The following BCAS3 variants were observed in gnomAD, a reference collection of about 807,000 sequenced individuals.
The protein encoded by BCAS3 is BCAS4/BCAS3 fusion.
In BCAS3, 53 loss-of-function variants were observed where a neutral mutation model predicts 116.1. The observed-to-expected ratio is 0.46, with a 90% CI of 0.37 to 0.57. BCAS3 has a LOEUF of 0.57. Ranked by LOEUF, BCAS3 falls within the 20% of genes least tolerant of loss-of-function variation. BCAS3 has a pLI of 0.00. For synonymous variants in BCAS3, 391 were observed against 408.2 expected, an observed-to-expected ratio of 0.96 and a Z score of 0.51; for missense variants, 917 against 1,165.4, an observed-to-expected ratio of 0.79 and a Z score of 3.10.
chr17:61,133,859 C>CAAA (rs11449964), intron 22 of BCAS3, among the ~76,000 whole-genome samples: 4,133 of 76,420 alleles, frequency 0.054, 121 homozygotes, highest in East Asian at 0.15. Flanking sequence ...CCTGGAATCT[C>CAAA]AAAAAAAAAA....
rs2080653671 is a variant in BCAS3, at chr17:61,198,895, G to A, written c.2425+114331G>A. ...AGTTTGAAAGGTACATGTTTCTAAA[G>A]CTTTTAAGATAATGATACTTAGAAA... On this transcript the variant is annotated intron_variant, in intron 22 of 23. Transcript: ENST00000407086. This position sits in a 1 kb window ranked among gnomAD's most constrained non-coding sequence, Gnocchi z 5.0. Among the ~76,000 whole-genome samples the A allele has an allele frequency of 6.6e-6, 1 of 152,174 alleles. No individual in the cohort carries two copies. Among genetic ancestry groups the A allele is most frequent in the Non-Finnish European group, 1.5e-5 (1 of 68,028 alleles).
intron 4 of BCAS3, among the ~76,000 whole-genome samples, chr17:60,708,078 C>G (rs1236539675): frequency 2.0e-5 from 3 of 152,048 alleles, no homozygotes; most frequent in Admixed American, 1.3e-4. Flanking sequence ...AATCCCAGCA[C>G]TTTGGGAAGC....
At chr17:60,705,899 G>T (rs147519855) in intron 4 of BCAS3, among the ~76,000 whole-genome samples, 104 of 152,264 alleles carry the variant, frequency 6.8e-4, no homozygotes, top group African/African-American at 2.4e-3. Context: ...AAATGTCAGA[G>T]AGGAAGTACA....
chr17:61,186,772 A>G lies in BCAS3; in HGVS notation c.2425+102208A>G, dbSNP rs1259027267. ...GTCGCCCAGGTTGGAGTGCAGTGGC[A>G]CGATCTCAGCTTACTGCAAGCTCCA... On this transcript the variant is annotated intron_variant, in intron 22 of 23. Coordinates refer to ENST00000407086, the MANE Select transcript of BCAS3 (RefSeq NM_017679.5). This position sits in a 1 kb window ranked among gnomAD's most constrained non-coding sequence, Gnocchi z 4.9. Among the ~76,000 whole-genome samples the G allele has an allele frequency of 2.6e-5, 4 of 151,344 alleles. No homozygotes were observed. Among genetic ancestry groups the G allele is most frequent in the African/African-American group, 9.7e-5 (4 of 41,122 alleles).
intron 6 of BCAS3, among the ~76,000 whole-genome samples, chr17:60,802,745 G>A (rs1273304292): frequency 6.6e-6 from 1 of 152,066 alleles, no homozygotes; most frequent in African/African-American, 2.4e-5. Context: ...GGGTTCAAGC[G>A]ATTCTCCTGC....
chr17:60,825,237 A>G (rs2050281515), intron 7 of BCAS3, among the ~76,000 whole-genome samples: 3 of 151,510 alleles, frequency 2.0e-5, no homozygotes, highest in Admixed American at 2.0e-4. Flanking sequence ...TTAATGTATT[A>G]TAGTGTGGTT....
intron 5 of BCAS3, among the ~76,000 whole-genome samples, chr17:60,737,763 G>A (rs1352913776): frequency 6.6e-6 from 1 of 151,390 alleles, no homozygotes; most frequent in Admixed American, 6.6e-5. Context: ...AATGATTTCT[G>A]TTCTTTTATT....
chr17:61,084,343 G>A lies in BCAS3; in HGVS notation c.2328-124G>A, dbSNP rs971230019. On this transcript the variant is annotated intron_variant, in intron 21 of 23. Transcript: ENST00000407086. This position sits in a 1 kb window ranked among gnomAD's most constrained non-coding sequence, Gnocchi z 5.5. ...GGACTGCAGCTCCCCTGTTTGTCTT[G>A]TTTTAGAATGGATGGTTCTTTAATG... The A allele has an allele frequency of 2.2e-5, 16 of 719,984 alleles. 1 individual carries two copies. The South Asian group carries it at 3.1e-4, about 14-fold the overall frequency. 44.6% of individuals were successfully genotyped at this position (719,984 alleles called of 1,614,324 possible).
chr17:61,338,525 T>C (rs1036312448), intron 22 of BCAS3, among the ~76,000 whole-genome samples: 1 of 152,148 alleles, frequency 6.6e-6, no homozygotes, highest in Non-Finnish European at 1.5e-5. Context: ...TTCTTCCATA[T>C]GGAAGTGTTT....
intron 22 of BCAS3, among the ~76,000 whole-genome samples, chr17:61,167,334 A>G (rs1444395847): frequency 2.0e-5 from 3 of 152,218 alleles, no homozygotes; most frequent in Non-Finnish European, 4.4e-5. Context: ...CACTTCCTTA[A>G]AAGAAGATAA....
chr17:61,163,921 T>C (rs2078319108), intron 22 of BCAS3, among the ~76,000 whole-genome samples: 2 of 144,258 alleles, frequency 1.4e-5, no homozygotes, highest in Admixed American at 1.5e-4. Context: ...CCTCTGCCTC[T>C]GGGAGGCAGA....
intron 6 of BCAS3, among the ~76,000 whole-genome samples, chr17:60,760,762 C>T (rs1178348589): frequency 1.3e-5 from 2 of 152,112 alleles, no homozygotes; most frequent in Non-Finnish European, 2.9e-5. Flanking sequence ...TCTTGCTAGA[C>T]TTGGGAAGTT....
rs1439637954 is a variant in BCAS3 at position 60,977,836 on chromosome 17, A to C, written c.1222-12135A>C. ...TCCCTACAAAGGACATGAACTCATC[A>C]TTTTTTATGGCTGCATAGTATTCCA... On this transcript the variant is annotated intron_variant, in intron 14 of 23. Transcript: ENST00000407086. 5.4e-5 allele frequency among the ~76,000 whole-genome samples: 8 copies of C among 148,040 alleles called. No individual in the cohort carries two copies. In the East Asian group the frequency reaches 1.2e-3, roughly 22 times the overall value.
At chr17:61,353,742 T>A (rs540851210) in intron 22 of BCAS3, 1 of 152,292 alleles carries the variant, frequency 6.6e-6, no homozygotes, top group Non-Finnish European at 1.5e-5. Context: ...TTCCCTCCTT[T>A]CTCCCTGGTT....
chr17:61,366,880 G>T lies in BCAS3; in HGVS notation c.2426-1447G>T, dbSNP rs1020298069. Among the ~76,000 whole-genome samples, 1 of 152,236 alleles carries T rather than the reference G, an allele frequency of 6.6e-6. No individual in the cohort carries two copies. Among genetic ancestry groups the T allele is most frequent in the Admixed American group, 6.5e-5 (1 of 15,284 alleles). ...TTGCCACACATATAAATCGCAGCAG[G>T]CTGGCCAAGGGCCTTTGTCTGGCCA... On this transcript the variant is annotated intron_variant, in intron 22 of 23. Transcript: ENST00000407086. The surrounding 1 kb of genome is among the most constrained non-coding windows in gnomAD (Gnocchi z 4.5).
At chr17:60,851,279 G>A (rs766373184) in intron 7 of BCAS3, 32 of 285,954 alleles carry the variant, frequency 1.1e-4, no homozygotes, top group Non-Finnish European at 1.1e-4. Flanking sequence ...TCAGCAGCTC[G>A]GGCTGCAGGA....
At chr17:61,102,700 C>T (rs1452285008) in intron 22 of BCAS3, among the ~76,000 whole-genome samples, 1 of 151,320 alleles carries the variant, frequency 6.6e-6, no homozygotes, top group Non-Finnish European at 1.5e-5. Context: ...ATTTCTGTAG[C>T]TGACTGGGTA....
chr17:61,345,065 C>T (rs1414808323), intron 22 of BCAS3, among the ~76,000 whole-genome samples: 1 of 152,212 alleles, frequency 6.6e-6, no homozygotes, highest in South Asian at 2.1e-4. Context: ...CATCATCTTC[C>T]TCCACCTCGG....
chr17:60,848,572 G>A (rs2052739911), intron 7 of BCAS3, among the ~76,000 whole-genome samples: 2 of 152,160 alleles, frequency 1.3e-5, no homozygotes, highest in African/African-American at 4.8e-5. Flanking sequence ...TTTCAGTACA[G>A]TGTTGAATAA....
Sources: gnomAD v4.1 joint callset for allele counts (sites outside exome capture counted in the v4.1 genomes callset) on GRCh38, gnomAD v4.1.1 for gene constraint, Gnocchi (gnomAD v3.1) non-coding constraint, MANE v1.5 for transcripts, NCBI Gene and HGNC (gene_info 2026-07-23, HGNC 2026-07-21) for gene names.